SUGCT: variants seen among roughly 807,000 people sequenced by gnomAD.
The protein encoded by SUGCT is succinyl-CoA:glutarate-CoA transferase.
In SUGCT, 41 loss-of-function variants were observed where a neutral mutation model predicts 55.0. The observed-to-expected ratio is 0.74, with a 90% CI of 0.58 to 0.97. The LOEUF is 0.97. SUGCT is among the 50% of genes least tolerant of loss of function. The pLI is 0.00. For missense variants in SUGCT, 568 were observed against 547.8 expected (o/e 1.04, Z -0.37); for synonymous variants, 187 against 200.4 (o/e 0.93, Z 0.56).
At position 40,458,923 on chromosome 7, in the gene SUGCT, C is replaced by G. The variant is rs17171714; in HGVS notation, c.889-178C>G. Among the ~76,000 whole-genome samples the G allele has an allele frequency of 7.7e-3, 1,166 of 152,300 alleles. 49 individuals are homozygous for G. Among genetic ancestry groups the G allele is most frequent in the Admixed American group, 0.059 (906 of 15,288 alleles). ...GCCTCTTATGAATGACAAACCCTTT[C>G]ACCAGCATGTTCCATCCTAATCGTG... On this transcript the variant is annotated intron_variant, in intron 10 of 13. Transcript: ENST00000335693.
At chr7:40,242,924 T>C (rs1562604974) in intron 7 of SUGCT, among the ~76,000 whole-genome samples, 2 of 31,746 alleles carry the variant, frequency 6.3e-5, no homozygotes, top group African/African-American at 2.3e-4. Context: ...TATATATATA[T>C]ATATATATAT....
intron 1 of SUGCT, among the ~76,000 whole-genome samples, chr7:40,158,057 A>T (rs892611065): frequency 2.0e-5 from 3 of 152,022 alleles, no homozygotes; most frequent in African/African-American, 7.3e-5. Flanking sequence ...AAATACAAAA[A>T]TTAGCCAGGT....
At chr7:40,251,915 A>T (rs1790442908) in intron 7 of SUGCT, among the ~76,000 whole-genome samples, 1 of 151,578 alleles carries the variant, frequency 6.6e-6, no homozygotes. Flanking sequence ...AATAGGACCA[A>T]TTTGTATGAC....
chr7:40,919,641 A>G, the SUGCT span, among the ~76,000 whole-genome samples: 1 of 152,166 alleles, frequency 6.6e-6, no homozygotes, highest in African/African-American at 2.4e-5. Flanking sequence ...TTTATCTTTT[A>G]TGATCCTGTA....
rs986288645 is a variant in SUGCT at position 40,551,838 on chromosome 7, G to A, written c.1089+55452G>A. ...AGCTGGTCTGAGGCAAGGGTGCTGAGTCAGCCAGCCTGAGGAAGACAGTCA... is the reference window on the plus strand; with the variant it reads ...AGCTGGTCTGAGGCAAGGGTGCTGAATCAGCCAGCCTGAGGAAGACAGTCA... On this transcript the variant is annotated intron_variant, in intron 12 of 13. Coordinates refer to ENST00000335693, the MANE Select transcript of SUGCT (RefSeq NM_001193313.2). Among the ~76,000 whole-genome samples the A allele has an allele frequency of 3.2e-4, 48 of 152,218 alleles. 1 individual carries two copies. Among genetic ancestry groups the A allele is most frequent in the Admixed American group, 3.1e-3 (47 of 15,288 alleles).
chr7:40,822,598 C>T (rs1382392067), intron 13 of SUGCT, among the ~76,000 whole-genome samples: 2 of 151,914 alleles, frequency 1.3e-5, no homozygotes, highest in Non-Finnish European at 2.9e-5. Context: ...GATACTTCAC[C>T]CTAGTTATAT....
chr7:40,418,574 C>A (rs1787133388), intron 9 of SUGCT, among the ~76,000 whole-genome samples: 1 of 152,168 alleles, frequency 6.6e-6, no homozygotes, highest in Non-Finnish European at 1.5e-5. Flanking sequence ...AACTGGCTGG[C>A]CTGCAGATGA....
At chr7:40,422,387 A>G (rs1370372185) in intron 9 of SUGCT, among the ~76,000 whole-genome samples, 2 of 152,196 alleles carry the variant, frequency 1.3e-5, no homozygotes. Flanking sequence ...AAATCTCAAC[A>G]TGTCTTCCAT....
At chr7:40,557,780 A>AAAAAAAG (rs1223867982) in intron 12 of SUGCT, among the ~76,000 whole-genome samples, 1 of 151,820 alleles carries the variant, frequency 6.6e-6, no homozygotes, top group Non-Finnish European at 1.5e-5. Context: ...CTAAAAAAAA[A>AAAAAAAG]AAAAAAGAAA....
At chr7:40,880,465 A>G in the SUGCT span, among the ~76,000 whole-genome samples, 1 of 152,182 alleles carries the variant, frequency 6.6e-6, no homozygotes, top group Non-Finnish European at 1.5e-5. Flanking sequence ...TTATGATTTC[A>G]GCACCCATTC....
intron 12 of SUGCT, among the ~76,000 whole-genome samples, chr7:40,593,795 C>T (rs571837809): frequency 8.3e-4 from 126 of 152,210 alleles, no homozygotes; most frequent in African/African-American, 2.7e-3. Flanking sequence ...GCTGAGATTG[C>T]GTCACTGCAC....
chr7:41,031,993 C>CAATG, the SUGCT span, among the ~76,000 whole-genome samples: 74 of 151,356 alleles, frequency 4.9e-4, no homozygotes, highest in Admixed American at 1.1e-3. Flanking sequence ...AGTAGGGTCT[C>CAATG]AATGAATGAA....
intron 12 of SUGCT, among the ~76,000 whole-genome samples, chr7:40,698,918 C>T (rs1253007468): frequency 6.6e-6 from 1 of 152,114 alleles, no homozygotes; most frequent in Non-Finnish European, 1.5e-5. Flanking sequence ...CGGGCTATAC[C>T]AGAAATTAGA....
chr7:40,365,950 C>T (rs1171691329), intron 9 of SUGCT, among the ~76,000 whole-genome samples: 10 of 152,234 alleles, frequency 6.6e-5, no homozygotes, highest in East Asian at 1.9e-4. Context: ...GAGCTCACAT[C>T]GCCAAGTCAA....
intron 12 of SUGCT, among the ~76,000 whole-genome samples, chr7:40,568,686 C>T (rs1329263511): frequency 1.3e-5 from 2 of 152,074 alleles, no homozygotes; most frequent in Non-Finnish European, 2.9e-5. Flanking sequence ...TCTTGGGAAA[C>T]CCAGGACATA....
At chr7:40,727,400 C>A (rs1030249093) in intron 12 of SUGCT, among the ~76,000 whole-genome samples, 24 of 152,202 alleles carry the variant, frequency 1.6e-4, no homozygotes, top group African/African-American at 5.5e-4. Flanking sequence ...GCAGTGGAAT[C>A]TAGCCCATTG....
chr7:40,531,385 T>C (rs1160057191), intron 12 of SUGCT, among the ~76,000 whole-genome samples: 1 of 152,104 alleles, frequency 6.6e-6, no homozygotes, highest in African/African-American at 2.4e-5. Context: ...CCCCAAATTC[T>C]GGGCTCCTCT....
chr7:40,508,260 G>A (rs1020634093), intron 12 of SUGCT, among the ~76,000 whole-genome samples: 3 of 152,172 alleles, frequency 2.0e-5, no homozygotes, highest in East Asian at 1.9e-4. Context: ...CAATTAAGCT[G>A]TAACAGGGGC....
chr7:40,760,088 A>C (rs1471144432), intron 13 of SUGCT, among the ~76,000 whole-genome samples: 2 of 152,170 alleles, frequency 1.3e-5, no homozygotes, highest in Non-Finnish European at 2.9e-5. Flanking sequence ...AATCATCAAA[A>C]GACCCAAGAT....
Sources: allele counts gnomAD v4.1 joint callset (sites outside exome capture counted in the v4.1 genomes callset), GRCh38; gene constraint gnomAD v4.1.1; transcripts MANE v1.5; gene names NCBI Gene and HGNC (gene_info 2026-07-23, HGNC 2026-07-21).